Variants in ANKRD30B observed in about 807,000 individuals in gnomAD.
The protein encoded by ANKRD30B is ankyrin repeat domain 30B, also known as ankyrin repeat domain-containing protein 30B.
In ANKRD30B, 144 loss-of-function variants were observed where a neutral mutation model predicts 202.2. That is an observed-to-expected ratio of 0.71 (90% CI 0.62 to 0.82). ANKRD30B has a LOEUF of 0.82. Among genes scored for constraint, ANKRD30B ranks in the 40% least tolerant of loss-of-function variants. The probability of loss-of-function intolerance (pLI) is 0.00; values close to 1 mark genes in which losing one functional copy is unlikely to be tolerated. For synonymous variants in ANKRD30B, 508 were observed against 561.3 expected, an observed-to-expected ratio of 0.91 and a Z score of 1.34; for missense variants, 1,487 against 1,669.1, an observed-to-expected ratio of 0.89 and a Z score of 1.90.
intron 9 of ANKRD30B, among the ~76,000 whole-genome samples, chr18:14,772,799 A>T (rs1336216073): frequency 6.8e-6 from 1 of 147,762 alleles, no homozygotes; most frequent in African/African-American, 2.5e-5. Context: ...TGGTTCTTTA[A>T]TTACACCAAA....
chr18:14,872,885 A>T, the ANKRD30B span, among the ~76,000 whole-genome samples: 4 of 152,106 alleles, frequency 2.6e-5, no homozygotes, highest in Non-Finnish European at 2.9e-5. Flanking sequence ...TCCTAATCTC[A>T]TGGATATCAG....
chr18:14,779,697 T>C (rs186867574), intron 10 of ANKRD30B, among the ~76,000 whole-genome samples: 1 of 152,328 alleles, frequency 6.6e-6, no homozygotes, highest in East Asian at 1.9e-4. Flanking sequence ...AAGAGGATAT[T>C]ATTTCTTTTG....
At chr18:14,760,798 A>G (rs902183002) in intron 6 of ANKRD30B, among the ~76,000 whole-genome samples, 180 bp downstream of exon 6, 7 of 152,100 alleles carry the variant, frequency 4.6e-5, no homozygotes, top group African/African-American at 1.7e-4. Flanking sequence ...TTTTAAATTT[A>G]TTATTCAGAA....
chr18:14,781,291 T>TATATGACTTATTCTTAAGA (rs1372459174), intron 11 of ANKRD30B, among the ~76,000 whole-genome samples: 58 of 132,112 alleles, frequency 4.4e-4, no homozygotes, highest in African/African-American at 5.4e-4. Context: ...GAGTATTCTT[T>TATATGACTTATTCTTAAGA]TTTTTTTTTT....
At chr18:14,837,520 T>C (rs1458824150) in intron 35 of ANKRD30B, 95 bp from the exon 36 acceptor site, 18 of 1,081,908 alleles carry the variant, frequency 1.7e-5, no homozygotes, top group Non-Finnish European at 9.0e-6. Flanking sequence ...TTTTTATTTT[T>C]GAAATACTCA....
chr18:14,840,529 A>G lies in ANKRD30B; in HGVS notation c.2989-59A>G, dbSNP rs188054950. 46 of 967,584 alleles carry G rather than the reference A, an allele frequency of 4.8e-5. No homozygotes were observed. In the African/African-American group the frequency reaches 8.0e-4, roughly 17 times the overall value. 59.9% of individuals were successfully genotyped at this position (967,584 alleles called of 1,614,324 possible). On this transcript the variant is annotated intron_variant, in intron 36 of 43. Coordinates refer to ENST00000690538, the MANE Select transcript of ANKRD30B (RefSeq NM_001367607.2). ...GCAACCCTGCGAGGCTTCATCTCAG[A>G]AAAACAAAATTAAAAAATAGTAAAA...
At chr18:14,885,111 C>T in the ANKRD30B span, among the ~76,000 whole-genome samples, 2 of 152,186 alleles carry the variant, frequency 1.3e-5, no homozygotes, top group African/African-American at 4.8e-5. Context: ...GTCACAGTGG[C>T]CTGCATCCAT....
At chr18:14,806,742 C>A (rs1969548799) in intron 24 of ANKRD30B, among the ~76,000 whole-genome samples, 2 of 148,926 alleles carry the variant, frequency 1.3e-5, no homozygotes, top group South Asian at 4.3e-4. Flanking sequence ...TCAAAGCCAG[C>A]TATTTTCTTC....
intron 30 of ANKRD30B, among the ~76,000 whole-genome samples, chr18:14,818,023 G>T (rs1970207553): frequency 6.6e-6 from 1 of 152,062 alleles, no homozygotes. Flanking sequence ...TACTTGATAT[G>T]TCTAAATATA....
the ANKRD30B span, among the ~76,000 whole-genome samples, chr18:14,938,286 A>G: frequency 3.4e-4 from 52 of 152,352 alleles, no homozygotes; most frequent in African/African-American, 1.2e-3. Context: ...GGTGTTTTAG[A>G]AAATTTAAAA....
At chr18:14,788,019 T>C (rs889161180) in intron 15 of ANKRD30B, among the ~76,000 whole-genome samples, 1 of 152,222 alleles carries the variant, frequency 6.6e-6, no homozygotes, top group Non-Finnish European at 1.5e-5. Flanking sequence ...TTGCTTATTT[T>C]AAGCCCCTGT....
At position 14,752,987 on chromosome 18, in the gene ANKRD30B, G is replaced by T. The variant is rs201536919; in HGVS notation, c.485G>T (p.Gly162Val). ...ATGGTGGCAACACTGCTGTCCTATG[G>T]TGCAGTCATCGAGGTGCAAAACAAG... The part of the protein sequence containing the change: ...LLMVATLLSY[G>V]AVIEVQNKAS... The change falls in exon 3 of 44, where the codon GGT becomes GTT. Residue 162 changes from glycine to valine, a missense_variant. Gly to Val is a moderately radical substitution (Grantham distance 109, BLOSUM62 -3). This residue lies in a region of ANKRD30B where 889 missense variants were observed against 841.4 expected (regional missense o/e 1.06). Transcript: ENST00000690538. 6.2e-7 allele frequency: 1 copy of T among 1,600,104 alleles called. No homozygotes were observed. The highest frequency in any genetic ancestry group is 2.3e-5 in the East Asian group (1 of 44,018).
rs888400880 is a variant in ANKRD30B at position 14,807,069 on chromosome 18, A to T, written c.2285-1482A>T. ...ACGGTCATGCATATTTAGCCTTAAA[A>T]TGCTTGCACATAAATTTTGTGTGTT... On this transcript the variant is annotated intron_variant, in intron 24 of 43. Transcript: ENST00000690538. Among the ~76,000 whole-genome samples, 58 of 151,276 alleles carry T rather than the reference A, an allele frequency of 3.8e-4. No individual in the cohort carries two copies. In the East Asian group the frequency reaches 0.01, roughly 27 times the overall value.
chr18:14,777,768 G>A (rs1353323436), intron 9 of ANKRD30B, among the ~76,000 whole-genome samples: 2 of 151,342 alleles, frequency 1.3e-5, no homozygotes, highest in Non-Finnish European at 3.0e-5. Context: ...ATGGTGAAAC[G>A]CCATCTCTCC....
At chr18:14,884,237 A>G in the ANKRD30B span, among the ~76,000 whole-genome samples, 6 of 144,094 alleles carry the variant, frequency 4.2e-5, no homozygotes, top group African/African-American at 1.5e-4. Context: ...AAGCAGTGCT[A>G]TGGAGAGGTC....
chr18:14,803,792 A>T lies in ANKRD30B; in HGVS notation c.2252A>T (p.Lys751Ile), dbSNP rs1969339532. 6.2e-7 allele frequency: 1 copy of T among 1,603,968 alleles called. No homozygotes were observed. Among genetic ancestry groups the T allele is most frequent in the Non-Finnish European group, 8.5e-7 (1 of 1,177,776 alleles). ...TGTTTACCCAAGGCTACACATCAAA[A>T]AGAATTCGATACCTTAAGTGGAAAA... ...DVCLPKATHQKEFDTLSGKLE... is the reference protein window; with the variant it reads ...DVCLPKATHQIEFDTLSGKLE... The change falls in exon 24 of 44, where the codon AAA (lysine) becomes ATA (isoleucine). Residue 751 changes from lysine (K) to isoleucine (I), a missense_variant. Coordinates refer to ENST00000690538, the MANE Select transcript of ANKRD30B (RefSeq NM_001367607.2).
At chr18:14,829,875 G>A (rs1764756283) in intron 33 of ANKRD30B, among the ~76,000 whole-genome samples, 1 of 152,222 alleles carries the variant, frequency 6.6e-6, no homozygotes, top group African/African-American at 2.4e-5. Context: ...GGGATTGAAG[G>A]TTGCTGAATT....
intron 15 of ANKRD30B, among the ~76,000 whole-genome samples, chr18:14,791,098 C>T (rs1968467840): frequency 6.6e-6 from 1 of 152,158 alleles, no homozygotes; most frequent in African/African-American, 2.4e-5. Flanking sequence ...AGAGATTCAA[C>T]TTATTCCTGG....
the ANKRD30B span, chr18:14,905,834 A>G: frequency 1.3e-5 from 2 of 152,170 alleles, no homozygotes; most frequent in African/African-American, 4.8e-5. Flanking sequence ...TCTTAGTGCC[A>G]AAGGGTCTGT....
Sources: allele counts gnomAD v4.1 joint callset (sites outside exome capture counted in the v4.1 genomes callset), GRCh38; gene constraint gnomAD v4.1.1; regional missense constraint gnomAD v4.1.1; transcripts MANE v1.5; gene names NCBI Gene and HGNC (gene_info 2026-07-23, HGNC 2026-07-21).